Variants in ELMO1 observed in about 807,000 individuals in gnomAD.
ELMO1 encodes the protein engulfment and cell motility 1.
ELMO1 carries 26 observed loss-of-function variants against 98.9 expected under a neutral mutation model. The ratio of observed to expected loss-of-function variants is 0.26; its 90% CI spans 0.19 to 0.36. ELMO1 has a LOEUF of 0.36. Ranked by LOEUF, ELMO1 falls within the 10% of genes least tolerant of loss-of-function variation. The probability of loss-of-function intolerance (pLI) is 1.00; values close to 1 mark genes in which losing one functional copy is unlikely to be tolerated. For synonymous variants in ELMO1, 346 were observed against 346.0 expected, an observed-to-expected ratio of 1.00 and a Z score of 0.00; for missense variants, 627 against 935.2, an observed-to-expected ratio of 0.67 and a Z score of 4.30.
chr7:37,263,582 G>A (rs1796089857), intron 5 of ELMO1, among the ~76,000 whole-genome samples: 1 of 152,186 alleles, frequency 6.6e-6, no homozygotes, highest in African/African-American at 2.4e-5. Flanking sequence ...TTCTTTAGAT[G>A]GAGTGGTTTT....
intron 16 of ELMO1, among the ~76,000 whole-genome samples, chr7:37,008,920 G>A (rs570308167): frequency 5.0e-4 from 76 of 152,210 alleles, no homozygotes; most frequent in African/African-American, 1.7e-3. Flanking sequence ...CGCCACCCCC[G>A]ATGATTTAAT....
At chr7:37,442,269 T>G (rs1158175769) in intron 1 of ELMO1, among the ~76,000 whole-genome samples, 1 of 152,148 alleles carries the variant, frequency 6.6e-6, no homozygotes, top group Non-Finnish European at 1.5e-5. Flanking sequence ...GCCAACAGCC[T>G]ACAAGTAGAA....
At chr7:37,010,874 G>T (rs7779371) in intron 16 of ELMO1, among the ~76,000 whole-genome samples, 2 of 152,006 alleles carry the variant, frequency 1.3e-5, no homozygotes, top group Admixed American at 6.6e-5. Context: ...GAAAAAAAGA[G>T]AAAAAAAGCA....
rs1046730859 is a variant in ELMO1 at position 37,365,458 on chromosome 7, C to T, written c.-73-22695G>A. On this transcript the variant is annotated intron_variant, in intron 1 of 21. Transcript: ENST00000310758. ...AACGGGTAGCAGGACACCTGCTCAA[C>T]AGTGGACCTGAAGAAGCTCTCCCGC... Among the ~76,000 whole-genome samples the T allele has an allele frequency of 2.0e-5, 3 of 152,304 alleles. No individual in the cohort carries two copies. In the East Asian group the frequency reaches 5.8e-4, roughly 29 times the overall value.
At chr7:37,274,397 C>T (rs536637645) in intron 4 of ELMO1, among the ~76,000 whole-genome samples, 3 of 152,168 alleles carry the variant, frequency 2.0e-5, no homozygotes, top group Non-Finnish European at 2.9e-5. Context: ...AGCCAGCAGA[C>T]GTGCTGACTG....
chr7:37,261,890 C>A (rs1052885657), intron 5 of ELMO1, among the ~76,000 whole-genome samples: 1 of 152,202 alleles, frequency 6.6e-6, no homozygotes, highest in South Asian at 2.1e-4. Flanking sequence ...GCGTGAGCCA[C>A]CACGCCCAGC....
At chr7:37,315,449 A>G (rs1162747873) in intron 3 of ELMO1, among the ~76,000 whole-genome samples, 1 of 152,176 alleles carries the variant, frequency 6.6e-6, no homozygotes, top group Non-Finnish European at 1.5e-5. Flanking sequence ...GCTACCATAT[A>G]TACATTTCCT....
intron 9 of ELMO1, 151 bp downstream of exon 9, chr7:37,224,728 C>A: frequency 8.7e-7 from 1 of 1,143,162 alleles, no homozygotes; most frequent in East Asian, 2.4e-5. Context: ...CATGCCATTC[C>A]AGTGTGACAC....
chr7:37,389,875 C>A (rs1223875219), intron 1 of ELMO1, among the ~76,000 whole-genome samples: 1 of 152,080 alleles, frequency 6.6e-6, no homozygotes, highest in African/African-American at 2.4e-5. Flanking sequence ...GAGAGCTGCT[C>A]TTTGAAACAA....
chr7:36,988,235 T>C (rs1448024343), intron 16 of ELMO1, among the ~76,000 whole-genome samples: 1 of 152,204 alleles, frequency 6.6e-6, no homozygotes, highest in Non-Finnish European at 1.5e-5. Context: ...GGGTGGTGGA[T>C]GGCTCAGGTT....
intron 16 of ELMO1, among the ~76,000 whole-genome samples, chr7:36,895,985 C>T (rs1805966892): frequency 1.3e-5 from 2 of 152,202 alleles, no homozygotes; most frequent in African/African-American, 4.8e-5. Flanking sequence ...CTTTAAGAAA[C>T]TTCAAAATCA....
intron 16 of ELMO1, among the ~76,000 whole-genome samples, chr7:36,909,246 A>T (rs556904308): frequency 2.0e-4 from 31 of 152,348 alleles, no homozygotes; most frequent in African/African-American, 7.5e-4. Flanking sequence ...CTCAAGTAGT[A>T]AGTAAATAAG....
intron 15 of ELMO1, among the ~76,000 whole-genome samples, chr7:37,083,429 C>A (rs1287789208): frequency 6.6e-6 from 1 of 152,026 alleles, no homozygotes; most frequent in Non-Finnish European, 1.5e-5. Flanking sequence ...AGCAAAGAAA[C>A]CAGCAGATTT....
chr7:37,296,898 C>T (rs1352225185), intron 4 of ELMO1, among the ~76,000 whole-genome samples: 1 of 152,152 alleles, frequency 6.6e-6, no homozygotes, highest in African/African-American at 2.4e-5. Context: ...TTTCATTAGA[C>T]ACCTGACATG....
intron 14 of ELMO1, among the ~76,000 whole-genome samples, chr7:37,122,070 G>C (rs9801027): frequency 0.25 from 38,374 of 151,956 alleles, 6,172 homozygotes; most frequent in African/African-American, 0.46. Flanking sequence ...AAATCCTTTA[G>C]AGACAAACAA....
At chr7:36,944,620 T>C (rs944234489) in intron 16 of ELMO1, among the ~76,000 whole-genome samples, 6 of 152,212 alleles carry the variant, frequency 3.9e-5, no homozygotes, top group Admixed American at 6.5e-5. Context: ...TCTTCCCCAA[T>C]GAGGAGATCA....
At chr7:37,244,029 T>A (rs1162626293) in intron 7 of ELMO1, among the ~76,000 whole-genome samples, 1 of 152,150 alleles carries the variant, frequency 6.6e-6, no homozygotes, top group Non-Finnish European at 1.5e-5. Context: ...ACAGGCCACA[T>A]AAAAGTTAGT....
chr7:36,881,444 C>T (rs1804448385), intron 18 of ELMO1, among the ~76,000 whole-genome samples: 1 of 152,228 alleles, frequency 6.6e-6, no homozygotes, highest in African/African-American at 2.4e-5. Flanking sequence ...CTTTATCCCT[C>T]TGGGCGATGA....
chr7:37,171,687 TTTCACCATGTTAGC>T, intron 13 of ELMO1, among the ~76,000 whole-genome samples: 1 of 151,874 alleles, frequency 6.6e-6, no homozygotes, highest in Non-Finnish European at 1.5e-5. Context: ...GGAGACGGGG[TTTCACCATGTTAGC>T]CAGGATGGTC....
Sources: gnomAD v4.1 joint callset for allele counts (sites outside exome capture counted in the v4.1 genomes callset) on GRCh38, gnomAD v4.1.1 for gene constraint, MANE v1.5 for transcripts, NCBI Gene and HGNC (gene_info 2026-07-23, HGNC 2026-07-21) for gene names.